NUP160: variants seen among roughly 807,000 people sequenced by gnomAD.
The protein encoded by NUP160 is nuclear pore complex protein Nup160.
NUP160 carries 94 observed loss-of-function variants against 196.9 expected under a neutral mutation model. The observed-to-expected ratio is 0.48, with a 90% confidence interval of 0.40 to 0.57. The LOEUF (loss-of-function observed/expected upper bound fraction) is 0.57. Among genes scored for constraint, NUP160 ranks in the 20% least tolerant of loss-of-function variants. The pLI, the probability that NUP160 is intolerant of heterozygous loss-of-function variation, is 0.00. For missense variants in NUP160, 1,638 were observed against 1,748.3 expected (o/e 0.94, Z 1.13); for synonymous variants, 605 against 619.7 (o/e 0.98, Z 0.35).
At chr11:47,833,292 A>G (rs1025694045) in intron 7 of NUP160, among the ~76,000 whole-genome samples, 1 of 151,840 alleles carries the variant, frequency 6.6e-6, no homozygotes, top group African/African-American at 2.4e-5. Flanking sequence ...CATCTCTATT[A>G]AAAATACAAA....
At chr11:47,818,692 AAC>A (rs1851791116) in intron 10 of NUP160, among the ~76,000 whole-genome samples, 1 of 152,106 alleles carries the variant, frequency 6.6e-6, no homozygotes, top group South Asian at 2.1e-4. Context: ...AAATCTGACT[AAC>A]AGTCATTCAA....
At chr11:47,787,802 C>T (rs192588745) in intron 31 of NUP160, among the ~76,000 whole-genome samples, 76 of 152,264 alleles carry the variant, frequency 5.0e-4, no homozygotes, top group African/African-American at 1.7e-3. Flanking sequence ...ATTGCAAGCT[C>T]TGCCTCCCAG....
chr11:47,814,785 C>T (rs577625855), intron 13 of NUP160, among the ~76,000 whole-genome samples: 5 of 152,110 alleles, frequency 3.3e-5, no homozygotes, highest in African/African-American at 1.2e-4. Flanking sequence ...ATGATATCTA[C>T]AACTAACTTC....
chr11:47,798,194 G>T (rs746601839), exon 25 of NUP160: 1 of 1,612,368 alleles, frequency 6.2e-7, no homozygotes, highest in South Asian at 1.1e-5. Context: ...TTTGGGTTAA[G>T]GCTTCATATG....
chr11:47,845,400 A>C (rs1852381066), intron 2 of NUP160, among the ~76,000 whole-genome samples: 1 of 152,164 alleles, frequency 6.6e-6, no homozygotes. Context: ...TCGGCCTCCT[A>C]AAGTACTGGG....
rs1439752504 is a variant in NUP160, at chr11:47,782,304, ATATATAT to A, written c.4116+762_4116+768del. 3.0e-3 allele frequency among the ~76,000 whole-genome samples: 155 copies of A among 52,082 alleles called. 9 individuals carry two copies. Among genetic ancestry groups the A allele is most frequent in the African/African-American group, 4.4e-3 (60 of 13,592 alleles). 34.2% of individuals were successfully genotyped at this position (52,082 alleles called of 152,430 possible). A position where few individuals can be genotyped will look rare whatever the true frequency, so the allele number is the denominator to read the frequency against. ...AAAACTCAGTTAAAAAAAAAAAAAA[ATATATAT>A]ATATATATATATATATATATATATA... On this transcript the variant is annotated intron_variant, in intron 34 of 35. Transcript: ENST00000378460.
chr11:47,845,537 G>A (rs144469735), intron 2 of NUP160, among the ~76,000 whole-genome samples: 371 of 152,306 alleles, frequency 2.4e-3, no homozygotes, highest in Middle Eastern at 0.014. Flanking sequence ...TTGGGGTCTG[G>A]ATCGGCACCC....
intron 7 of NUP160, among the ~76,000 whole-genome samples, chr11:47,825,279 T>G (rs572189233): frequency 6.6e-6 from 1 of 151,892 alleles, no homozygotes; most frequent in East Asian, 2.0e-4. Flanking sequence ...TTGATGAACT[T>G]TTTAAATAAC....
chr11:47,799,576 T>A (rs1186106660), intron 23 of NUP160, among the ~76,000 whole-genome samples: 1 of 152,162 alleles, frequency 6.6e-6, no homozygotes, highest in Non-Finnish European at 1.5e-5. Flanking sequence ...GACAGGGTCC[T>A]GCTCTGTTGC....
At chr11:47,798,703 G>A (rs919593316) in intron 23 of NUP160, among the ~76,000 whole-genome samples, 10 of 151,928 alleles carry the variant, frequency 6.6e-5, no homozygotes, top group Non-Finnish European at 1.2e-4. Flanking sequence ...GGTGGCATGC[G>A]CCTGTAGTTG....
At chr11:47,788,726 A>G (rs2097666175) in intron 29 of NUP160, 115 bp from the exon 30 acceptor site, 1 of 663,354 alleles carries the variant, frequency 1.5e-6, no homozygotes, top group East Asian at 2.7e-5. Context: ...TAATTTCCAA[A>G]TGCATGAAGG....
chr11:47,814,411 G>A (rs1175988538), intron 13 of NUP160, among the ~76,000 whole-genome samples: 1 of 151,826 alleles, frequency 6.6e-6, no homozygotes, highest in Non-Finnish European at 1.5e-5. Context: ...GTGTGGTGGC[G>A]CGTGCCTATA....
intron 27 of NUP160, among the ~76,000 whole-genome samples, chr11:47,796,891 C>T (rs557148592): frequency 1.1e-4 from 16 of 152,280 alleles, no homozygotes; most frequent in African/African-American, 3.6e-4. Flanking sequence ...GGGGATTTCA[C>T]CATGTCGGCC....
chr11:47,829,610 TAC>T (rs1281795960), intron 7 of NUP160, among the ~76,000 whole-genome samples: 18 of 152,142 alleles, frequency 1.2e-4, no homozygotes, highest in Non-Finnish European at 2.4e-4. Flanking sequence ...CTGGCCTGTT[TAC>T]AGAATTCTTA....
chr11:47,780,263 G>C (rs2097659896), intron 35 of NUP160, 80 bp downstream of exon 35: 15 of 1,000,556 alleles, frequency 1.5e-5, no homozygotes, highest in Non-Finnish European at 2.2e-5. Flanking sequence ...TCTAATCCCG[G>C]AGAACTGAAG....
chr11:47,800,656 C>T (rs1361708964), intron 23 of NUP160, among the ~76,000 whole-genome samples: 1 of 152,140 alleles, frequency 6.6e-6, no homozygotes, highest in African/African-American at 2.4e-5. Context: ...TCCCAAAGTG[C>T]TGGGATTACA....
intron 18 of NUP160, 139 bp downstream of exon 18, chr11:47,808,257 G>A (rs2097678923): frequency 4.2e-6 from 3 of 716,498 alleles, no homozygotes; most frequent in Non-Finnish European, 6.8e-6. Flanking sequence ...CTCCGGCCTG[G>A]GTGAGAGAGA....
At chr11:47,784,711 T>A (rs2097663513) in intron 33 of NUP160, 1 of 321,258 alleles carries the variant, frequency 3.1e-6, no homozygotes, top group Admixed American at 4.8e-5. Flanking sequence ...CTTTATATAT[T>A]TTTAAATTTA....
At position 47,821,721 on chromosome 11, in the gene NUP160, T is replaced by A; in HGVS notation, c.1277+3A>T. 2 of 1,606,022 alleles carry A rather than the reference T, an allele frequency of 1.2e-6. No homozygotes were observed. The highest frequency in any genetic ancestry group is 1.7e-6 in the Non-Finnish European group (2 of 1,172,604). ...TAGGATGACAGAATTAAGTGACCCATACTGTTCAAAGTTGATGTATTTCAC... is the reference window on the plus strand; with the variant it reads ...TAGGATGACAGAATTAAGTGACCCAAACTGTTCAAAGTTGATGTATTTCAC... On this transcript the variant is annotated splice_donor_region_variant and intron_variant, in intron 9 of 35. Transcript: ENST00000378460.
Sources: gnomAD v4.1 joint callset for allele counts (sites outside exome capture counted in the v4.1 genomes callset) on GRCh38, gnomAD v4.1.1 for gene constraint, MANE v1.5 for transcripts, NCBI Gene and HGNC (gene_info 2026-07-23, HGNC 2026-07-21) for gene names.